The following FANCM variants were observed in gnomAD, a reference collection of about 807,000 sequenced individuals.
The protein encoded by FANCM is Fanconi anemia group M protein.
FANCM carries 140 observed loss-of-function variants against 199.5 expected under a neutral mutation model. The ratio of observed to expected loss-of-function variants is 0.70; its 90% CI spans 0.61 to 0.81. The LOEUF is 0.81. Among genes scored for constraint, FANCM ranks in the 30% least tolerant of loss-of-function variants. FANCM has a pLI of 0.00. For missense variants in FANCM, 2,410 were observed against 2,421.4 expected (o/e 1.00, Z 0.10); for synonymous variants, 840 against 836.8 (o/e 1.00, Z -0.07).
intron 18 of FANCM, among the ~76,000 whole-genome samples, chr14:45,187,379 G>T (rs1889469618): frequency 1.3e-5 from 2 of 151,278 alleles, no homozygotes; most frequent in African/African-American, 4.8e-5. Context: ...ACTTTTTATT[G>T]GCTGTGGGTT....
At chr14:45,137,018 T>C in intron 1 of FANCM, 51 bp from the exon 2 acceptor site, 2 of 1,348,226 alleles carry the variant, frequency 1.5e-6, no homozygotes, top group South Asian at 1.2e-5. Flanking sequence ...ATTTATATTT[T>C]ATAGATAACA....
rs775341176 is a variant in FANCM, at chr14:45,136,542, A to G, written c.508+3A>G. The G allele has an allele frequency of 6.2e-7, 1 of 1,613,140 alleles. No homozygotes were observed. The highest frequency in any genetic ancestry group is 1.1e-5 in the South Asian group (1 of 91,084). Reference sequence around the variant, plus strand: ...ATCCCACATGGCCGAAATGACAGGTATCTTAGACTGGACTAATTTTGAAGT... The same window carrying G: ...ATCCCACATGGCCGAAATGACAGGTGTCTTAGACTGGACTAATTTTGAAGT... On this transcript the variant is annotated splice_donor_region_variant and intron_variant, in intron 1 of 22. Transcript: ENST00000267430.
Position 45,171,335 on chromosome 14 carries a change from T to A in FANCM, c.2160+589T>A, listed in dbSNP as rs138774575. On this transcript the variant is annotated intron_variant, in intron 12 of 22. Coordinates refer to ENST00000267430, the MANE Select transcript of FANCM (RefSeq NM_020937.4). Reference sequence around the variant, plus strand: ...GCATCCTTGTAAACCATTTTTTTTTTAAATTTCAATAGTTTTTGAGGAACA... The same window carrying A: ...GCATCCTTGTAAACCATTTTTTTTTAAAATTTCAATAGTTTTTGAGGAACA... 3.6e-3 allele frequency among the ~76,000 whole-genome samples: 541 copies of A among 152,084 alleles called. 2 individuals carry two copies. Among genetic ancestry groups the A allele is most frequent in the African/African-American group, 0.012 (481 of 41,454 alleles).
chr14:45,144,921 T>C (rs1176719718), intron 3 of FANCM, among the ~76,000 whole-genome samples: 2 of 152,090 alleles, frequency 1.3e-5, no homozygotes, highest in African/African-American at 4.8e-5. Flanking sequence ...ATAGCCATCA[T>C]TGCTAGAGAT....
chr14:45,165,034 C>G (rs1887865072), intron 10 of FANCM, among the ~76,000 whole-genome samples: 1 of 152,128 alleles, frequency 6.6e-6, no homozygotes, highest in Non-Finnish European at 1.5e-5. Context: ...CTTTCTGGCC[C>G]TTTTTGGAAG....
At position 45,189,227 on chromosome 14, in the gene FANCM, G is replaced by A. The variant is rs138090463; in HGVS notation, c.5205G>A (p.Ser1735=). 3.9e-5 allele frequency: 63 copies of A among 1,614,012 alleles called. No homozygotes were observed. In the African/African-American group the frequency reaches 6.4e-4, roughly 16 times the overall value. Residue 1735 remains serine, a synonymous_variant, in exon 20 of 23, where the codon TCG becomes TCA. Coordinates refer to ENST00000267430, the MANE Select transcript of FANCM (RefSeq NM_020937.4). The part of the protein sequence containing the change: ...NPLAKQSKQT[S]LNLKDTISEV... ...TAGCAAAGCAGAGCAAACAGACATC[G>A]CTGAATTTAAAGGATACAATTTCCG...
intron 14 of FANCM, among the ~76,000 whole-genome samples, chr14:45,178,813 C>G (rs1888873834): frequency 6.6e-6 from 1 of 151,966 alleles, no homozygotes. Flanking sequence ...CAAAGTACCC[C>G]CAAAAAACTC....
In FANCM at chr14:45,188,935, G is replaced by A. The variant is rs776797107; in HGVS notation, c.4913G>A (p.Ser1638Asn). The A allele has an allele frequency of 4.3e-6, 7 of 1,613,892 alleles. No homozygotes were observed. In the East Asian group the frequency reaches 1.6e-4, roughly 36 times the overall value. ...NLITDDCFANSKKYKTRRAVM... is the reference protein window; with the variant it reads ...NLITDDCFANNKKYKTRRAVM... Reference sequence around the variant, plus strand: ...ATAACTGATGATTGCTTTGCAAATAGTAAAAAGTATAAAACTCGACGTGCA... The same window carrying A: ...ATAACTGATGATTGCTTTGCAAATAATAAAAAGTATAAAACTCGACGTGCA... Residue 1638 changes from serine (S) to asparagine (N), a missense_variant, in exon 20 of 23, where the codon AGT becomes AAT. Physicochemically the swap from Ser to Asn is conservative, Grantham distance 46. Coordinates refer to ENST00000267430, the MANE Select transcript of FANCM (RefSeq NM_020937.4).
At position 45,176,191 on chromosome 14, in the gene FANCM, A is replaced by G. The variant is rs1888680464; in HGVS notation, c.3437A>G (p.Asp1146Gly). 1.9e-6 allele frequency: 3 copies of G among 1,613,984 alleles called. No homozygotes were observed. The highest frequency in any genetic ancestry group is 1.1e-5 in the South Asian group (1 of 91,064). ...GAAGATGTTAATACAGAGTTCGACG[A>G]TGTGAGTCTTTCACCCTTGAACAGT... ...LFEDVNTEFD[D>G]VSLSPLNSKS... The change falls in exon 14 of 23, where the codon GAT becomes GGT. Residue 1146 changes from aspartate (D) to glycine (G), a missense_variant. Physicochemically the swap from Asp to Gly is moderately conservative, Grantham distance 94. Transcript: ENST00000267430.
Position 45,173,046 on chromosome 14 carries a change from ATAAT to A in FANCM, c.2161-5_2161-2del, listed in dbSNP as rs769498829. On this transcript the variant is annotated splice_polypyrimidine_tract_variant and splice_region_variant and intron_variant, in intron 12 of 22. Transcript: ENST00000267430. ...TTTCATCATTTTTATTACTTTTTAA[ATAAT>A]TAAGGCTCAAGAATCAACCACTGGA... 6.3e-7 allele frequency: 1 copy of A among 1,591,614 alleles called. No homozygotes were observed. Among genetic ancestry groups the A allele is most frequent in the Non-Finnish European group, 8.6e-7 (1 of 1,159,830 alleles).
At chr14:45,150,847 T>C (rs1207573408) in intron 4 of FANCM, among the ~76,000 whole-genome samples, 2 of 152,370 alleles carry the variant, frequency 1.3e-5, no homozygotes, top group South Asian at 4.1e-4. Context: ...ATGAGAGCAG[T>C]GACAAATAAA....
chr14:45,169,206 G>A (rs1307227015), intron 11 of FANCM, among the ~76,000 whole-genome samples: 1 of 151,992 alleles, frequency 6.6e-6, no homozygotes, highest in Non-Finnish European at 1.5e-5. Flanking sequence ...ACAGGCATGA[G>A]CCACTGTACC....
chr14:45,140,085 A>G (rs1391594786), intron 2 of FANCM, among the ~76,000 whole-genome samples: 2 of 152,258 alleles, frequency 1.3e-5, no homozygotes, highest in African/African-American at 4.8e-5. Flanking sequence ...GCTATTTAAA[A>G]TTCTGTGCAG....
At chr14:45,149,391 T>G (rs561786644) in intron 4 of FANCM, among the ~76,000 whole-genome samples, 2 of 152,196 alleles carry the variant, frequency 1.3e-5, no homozygotes, top group South Asian at 4.2e-4. Context: ...GAACACGTAC[T>G]GAGATTCAGC....
intron 20 of FANCM, among the ~76,000 whole-genome samples, chr14:45,192,993 A>G (rs1182958336): frequency 6.6e-6 from 1 of 152,176 alleles, no homozygotes; most frequent in Non-Finnish European, 1.5e-5. Flanking sequence ...CACAAAAAAG[A>G]CTGAGAATGA....
At chr14:45,184,001 G>GA in intron 17 of FANCM, 99 bp downstream of exon 17, 2 of 876,972 alleles carry the variant, frequency 2.3e-6, no homozygotes, top group Non-Finnish European at 1.7e-6. Flanking sequence ...TCTCTTTATA[G>GA]AAAAAAATTA....
intron 22 of FANCM, among the ~76,000 whole-genome samples, 169 bp downstream of exon 22, chr14:45,199,104 G>C (rs1890228297): frequency 6.6e-6 from 1 of 152,048 alleles, no homozygotes; most frequent in Non-Finnish European, 1.5e-5. Flanking sequence ...TGAAGCTAAG[G>C]GACATTATTC....
At chr14:45,167,848 G>A (rs550402302) in intron 11 of FANCM, among the ~76,000 whole-genome samples, 5 of 152,224 alleles carry the variant, frequency 3.3e-5, no homozygotes, top group African/African-American at 1.2e-4. Flanking sequence ...TACTTATCAA[G>A]GTAGGAATGC....
At chr14:45,177,004 A>C in intron 14 of FANCM, 28 bp downstream of exon 14, 1 of 1,373,264 alleles carries the variant, frequency 7.3e-7, no homozygotes, top group African/African-American at 1.4e-5. Flanking sequence ...TAAAGTCTAT[A>C]ACTCTTTCTA....
Sources: gnomAD v4.1 joint callset for allele counts (sites outside exome capture counted in the v4.1 genomes callset) on GRCh38, gnomAD v4.1.1 for gene constraint, MANE v1.5 for transcripts, NCBI Gene and HGNC (gene_info 2026-07-23, HGNC 2026-07-21) for gene names.